Variants in BLTP3B observed in about 807,000 individuals in gnomAD.
BLTP3B encodes the protein UHRF1 (ICBP90) binding protein 1-like.
chr12:100,089,401 A>G, the BLTP3B span, among the ~76,000 whole-genome samples: 2 of 152,114 alleles, frequency 1.3e-5, no homozygotes, highest in South Asian at 4.1e-4. Flanking sequence ...TCTACTAAAA[A>G]TATAAAAAAT....
the BLTP3B span, among the ~76,000 whole-genome samples, chr12:100,124,940 A>T: frequency 6.0e-5 from 2 of 33,208 alleles, no homozygotes; most frequent in Non-Finnish European, 1.1e-4. Context: ...AAAATTTTAT[A>T]TATATATATA....
At chr12:100,075,015 CTTTTT>C in the BLTP3B span, among the ~76,000 whole-genome samples, 2 of 140,168 alleles carry the variant, frequency 1.4e-5, no homozygotes, top group African/African-American at 5.5e-5. Flanking sequence ...CTACACCTTC[CTTTTT>C]TTTTTTTTTG....
chr12:100,122,725 T>C, the BLTP3B span, among the ~76,000 whole-genome samples: 2 of 152,168 alleles, frequency 1.3e-5, no homozygotes, highest in African/African-American at 2.4e-5. Context: ...GCTCCCTGCT[T>C]TACACAAATC....
the BLTP3B span, among the ~76,000 whole-genome samples, chr12:100,116,682 A>T: frequency 6.6e-6 from 1 of 152,198 alleles, no homozygotes; most frequent in Non-Finnish European, 1.5e-5. Flanking sequence ...TAAGACAGGG[A>T]CAAGGCAAGG....
At chr12:100,131,100 C>T in the BLTP3B span, among the ~76,000 whole-genome samples, 1 of 146,762 alleles carries the variant, frequency 6.8e-6, no homozygotes, top group Non-Finnish European at 1.5e-5. Context: ...TTCCCAAATA[C>T]AAGAGTTTGA....
At chr12:100,057,724 G>A in the BLTP3B span, 1 of 1,610,326 alleles carries the variant, frequency 6.2e-7, no homozygotes. Context: ...AGGTTGGGTG[G>A]GCAACGTTCC....
At chr12:100,095,348 G>A in the BLTP3B span, among the ~76,000 whole-genome samples, 25 of 152,070 alleles carry the variant, frequency 1.6e-4, no homozygotes, top group Non-Finnish European at 3.1e-4. Context: ...AATTACCCAG[G>A]TTTTTTCCTC....
chr12:100,110,688 G>C, the BLTP3B span, among the ~76,000 whole-genome samples: 3 of 151,948 alleles, frequency 2.0e-5, no homozygotes, highest in Admixed American at 1.3e-4. Flanking sequence ...GGTATCTAAA[G>C]GAAGAGAAGT....
chr12:100,082,898 G>A, the BLTP3B span: 2 of 692,760 alleles, frequency 2.9e-6, no homozygotes, highest in Non-Finnish European at 4.8e-6. Flanking sequence ...ATCTAATATG[G>A]CCATTTCATA....
At chr12:100,048,803 TGTG>T in the BLTP3B span, among the ~76,000 whole-genome samples, 1 of 151,082 alleles carries the variant, frequency 6.6e-6, no homozygotes, top group African/African-American at 2.4e-5. Flanking sequence ...TGTGTGTGTG[TGTG>T]TGTGTAAAAT....
chr12:100,138,524 C>A, the BLTP3B span, among the ~76,000 whole-genome samples: 1 of 152,220 alleles, frequency 6.6e-6, no homozygotes, highest in African/African-American at 2.4e-5. Flanking sequence ...CACTAGATGG[C>A]AGTAGTATTA....
At chr12:100,051,969 C>G in the BLTP3B span, 2 of 152,112 alleles carry the variant, frequency 1.3e-5, no homozygotes, top group Non-Finnish European at 2.9e-5. Context: ...CCACTTGAGC[C>G]TGGGAGGTAG....
chr12:100,114,207 C>T, the BLTP3B span, among the ~76,000 whole-genome samples: 1 of 152,132 alleles, frequency 6.6e-6, no homozygotes, highest in Non-Finnish European at 1.5e-5. Flanking sequence ...GAAAGATGCA[C>T]ATCTAAGATT....
the BLTP3B span, among the ~76,000 whole-genome samples, chr12:100,065,407 T>C: frequency 2.0e-5 from 3 of 152,176 alleles, no homozygotes; most frequent in African/African-American, 7.2e-5. Flanking sequence ...ATTTTGCTTC[T>C]TGCAGAGAGC....
chr12:100,108,643 G>C, the BLTP3B span: 1 of 1,023,808 alleles, frequency 9.8e-7, no homozygotes, highest in Non-Finnish European at 1.4e-6. Context: ...AATATAATAG[G>C]AGTGGACACA....
the BLTP3B span, chr12:100,102,917 T>C: frequency 1.9e-5 from 19 of 1,024,238 alleles, no homozygotes; most frequent in Non-Finnish European, 2.5e-5. Context: ...ATTATTAAAG[T>C]ATTATTTAAG....
At chr12:100,107,223 G>C in the BLTP3B span, among the ~76,000 whole-genome samples, 3 of 148,668 alleles carry the variant, frequency 2.0e-5, no homozygotes, top group South Asian at 6.4e-4. Flanking sequence ...GGGAGGTAGA[G>C]GCTGCAGTGA....
chr12:100,128,543 G>GAA, the BLTP3B span: 1,524 of 971,030 alleles, frequency 1.6e-3, no homozygotes, highest in African/African-American at 4.3e-3. Flanking sequence ...TTTATAGAAT[G>GAA]AAAAAAAAAA....
chr12:100,101,051 C>G, the BLTP3B span, among the ~76,000 whole-genome samples: 1 of 152,138 alleles, frequency 6.6e-6, no homozygotes, highest in Non-Finnish European at 1.5e-5. Context: ...CACACAAGGA[C>G]AAAATGATTC....
Sources: allele counts gnomAD v4.1 joint callset (sites outside exome capture counted in the v4.1 genomes callset), GRCh38; gene constraint gnomAD v4.1.1; transcripts MANE v1.5; gene names NCBI Gene and HGNC (gene_info 2026-07-23, HGNC 2026-07-21).